Variants in ELP4 observed in about 807,000 individuals in gnomAD.
ELP4 encodes the protein elongator acetyltransferase complex subunit 4.
In ELP4, 51 loss-of-function variants were observed where a neutral mutation model predicts 48.9. That is an observed-to-expected ratio of 1.04 (90% CI 0.83 to 1.32). The LOEUF is 1.32. ELP4 is among the 40% of genes most tolerant of loss of function. The pLI is 0.00. For synonymous variants in ELP4, 210 were observed against 189.2 expected, an observed-to-expected ratio of 1.11 and a Z score of -0.90; for missense variants, 519 against 514.6, an observed-to-expected ratio of 1.01 and a Z score of -0.08.
chr11:31,764,671 T>G (rs537141254), intron 9 of ELP4, among the ~76,000 whole-genome samples: 1 of 152,330 alleles, frequency 6.6e-6, no homozygotes, highest in South Asian at 2.1e-4. Context: ...TGAAAAGATT[T>G]TATTCAGTGC....
chr11:31,639,753 C>T (rs192796717), intron 7 of ELP4, among the ~76,000 whole-genome samples: 3 of 151,714 alleles, frequency 2.0e-5, no homozygotes, highest in African/African-American at 7.3e-5. Context: ...AAGAGAAGTA[C>T]GATTCAGAAA....
chr11:31,688,333 A>G (rs1258683066), intron 9 of ELP4, among the ~76,000 whole-genome samples: 1 of 152,190 alleles, frequency 6.6e-6, no homozygotes, highest in Non-Finnish European at 1.5e-5. Flanking sequence ...TGGGAGATAC[A>G]TGCCTGCTTA....
At chr11:31,702,604 A>T (rs1278809843) in intron 9 of ELP4, among the ~76,000 whole-genome samples, 1 of 152,104 alleles carries the variant, frequency 6.6e-6, no homozygotes, top group Non-Finnish European at 1.5e-5. Flanking sequence ...TCTGATTCGT[A>T]GTTTTTCATC....
rs1215995014 is a variant in ELP4 at position 31,788,526 on chromosome 11, A to G, written c.*5002A>G. On this transcript the variant is annotated 3_prime_UTR_variant, in exon 10 of 10. Coordinates refer to ENST00000640961, the MANE Select transcript of ELP4 (RefSeq NM_019040.5). ...TCAGAAAGTCTCCTTTAAGAAATCT[A>G]CTTTTGAATATACTTCAGTGAAATC... 3 of 222,856 alleles carry G rather than the reference A, an allele frequency of 1.3e-5. No homozygotes were observed. The highest frequency in any genetic ancestry group is 4.5e-5 in the African/African-American group (2 of 44,770). 13.8% of individuals were successfully genotyped at this position (222,856 alleles called of 1,614,324 possible).
At chr11:31,516,542 C>T (rs888698466) in intron 1 of ELP4, among the ~76,000 whole-genome samples, 7 of 152,204 alleles carry the variant, frequency 4.6e-5, no homozygotes, top group African/African-American at 1.7e-4. Context: ...GTTACCCTGG[C>T]TGGAGTGCAG....
intron 9 of ELP4, among the ~76,000 whole-genome samples, chr11:31,690,704 CA>C (rs1171617168): frequency 6.7e-6 from 1 of 150,214 alleles, no homozygotes; most frequent in Non-Finnish European, 1.5e-5. Context: ...TGGCCAAAAA[CA>C]ATAAAATTCT....
chr11:31,546,776 A>C (rs1448927354), intron 3 of ELP4, among the ~76,000 whole-genome samples: 3 of 152,132 alleles, frequency 2.0e-5, no homozygotes, highest in African/African-American at 7.2e-5. Flanking sequence ...AGAAATTATA[A>C]CAAACTGTCT....
chr11:31,585,472 C>A (rs112328624), intron 3 of ELP4, among the ~76,000 whole-genome samples: 1 of 151,214 alleles, frequency 6.6e-6, no homozygotes, highest in Non-Finnish European at 1.5e-5. Context: ...TTTTGCCTAA[C>A]CTCTTATAAC....
intron 9 of ELP4, among the ~76,000 whole-genome samples, chr11:31,722,511 C>A (rs145044369): frequency 6.8e-4 from 104 of 152,262 alleles, no homozygotes; most frequent in East Asian, 2.7e-3. Context: ...TAAAACCCTT[C>A]TGTGGAAGAA....
chr11:31,655,892 G>T (rs1452937822), intron 9 of ELP4, among the ~76,000 whole-genome samples: 1 of 151,886 alleles, frequency 6.6e-6, no homozygotes, highest in African/African-American at 2.4e-5. Flanking sequence ...GGAAAAATGA[G>T]CATTTCTTAC....
At position 31,623,381 on chromosome 11, in the gene ELP4, ATATATAT is replaced by A. The variant is rs1565084242; in HGVS notation, c.654-3728_654-3722del. Among the ~76,000 whole-genome samples, 32 of 127,828 alleles carry A rather than the reference ATATATAT, an allele frequency of 2.5e-4. 1 individual carries two copies. Among genetic ancestry groups the A allele is most frequent in the Non-Finnish European group, 3.7e-4 (22 of 60,242 alleles). 83.9% of individuals were successfully genotyped at this position (127,828 alleles called of 152,430 possible). A position where few individuals can be genotyped will look rare whatever the true frequency, so the allele number is the denominator to read the frequency against. On this transcript the variant is annotated intron_variant, in intron 5 of 9. Transcript: ENST00000640961. The stretch of plus-strand genomic sequence containing the variant: ...TATATATATATATATATATATATAT[ATATATAT>A]ATAAAACTAGAAACATTGCTGGCAA...
At chr11:31,514,967 T>G (rs1028018360) in intron 1 of ELP4, among the ~76,000 whole-genome samples, 17 of 151,252 alleles carry the variant, frequency 1.1e-4, no homozygotes, top group African/African-American at 4.1e-4. Flanking sequence ...TAAACTCAAG[T>G]TTAGAAGAAT....
chr11:31,769,543 T>C (rs1948097491), intron 9 of ELP4, among the ~76,000 whole-genome samples: 2 of 152,226 alleles, frequency 1.3e-5, no homozygotes, highest in South Asian at 4.1e-4. Context: ...TTAGAATTTC[T>C]CTATTCCGTA....
At chr11:31,649,879 T>G in intron 8 of ELP4, 2 of 352,728 alleles carry the variant, frequency 5.7e-6, no homozygotes, top group Non-Finnish European at 1.0e-5. Flanking sequence ...ACATCTGTAC[T>G]TCTGTACCAA....
Position 31,785,333 on chromosome 11 carries a change from A to G in ELP4, c.*1809A>G, listed in dbSNP as rs912201879. 2 of 183,430 alleles carry G rather than the reference A, an allele frequency of 1.1e-5. No individual in the cohort carries two copies. Among genetic ancestry groups the G allele is most frequent in the Non-Finnish European group, 2.3e-5 (2 of 86,266 alleles). The allele number at this position is 183,430 out of a possible 1,614,324, so 11.4% of individuals were successfully genotyped here. On this transcript the variant is annotated 3_prime_UTR_variant, in exon 10 of 10. Coordinates refer to ENST00000640961, the MANE Select transcript of ELP4 (RefSeq NM_019040.5). ...ATACAACACACAATGGAACAATTAC[A>G]TAGCATTTGACTTGCTGAAAAAGAG...
intron 2 of ELP4, among the ~76,000 whole-genome samples, chr11:31,525,890 G>A (rs577498562): frequency 1.3e-5 from 2 of 152,078 alleles, no homozygotes; most frequent in South Asian, 4.2e-4. Flanking sequence ...TGTTCCAATG[G>A]TCTGGTCTTT....
intron 2 of ELP4, among the ~76,000 whole-genome samples, chr11:31,532,391 A>G (rs749599463): frequency 3.3e-5 from 5 of 152,238 alleles, no homozygotes; most frequent in Non-Finnish European, 5.9e-5. Flanking sequence ...AGATAAAGAA[A>G]AGATCACTAA....
intron 9 of ELP4, among the ~76,000 whole-genome samples, chr11:31,702,146 G>A (rs969796675): frequency 9.2e-5 from 14 of 151,900 alleles, no homozygotes. Flanking sequence ...GATTAAACAA[G>A]TAATTAGACT....
intron 3 of ELP4, among the ~76,000 whole-genome samples, chr11:31,552,827 A>G (rs1956874148): frequency 6.6e-6 from 1 of 152,136 alleles, no homozygotes; most frequent in Non-Finnish European, 1.5e-5. Flanking sequence ...CCTAGCTAAT[A>G]TTCTGTTACC....
Sources: gnomAD v4.1 joint callset for allele counts (sites outside exome capture counted in the v4.1 genomes callset) on GRCh38, gnomAD v4.1.1 for gene constraint, MANE v1.5 for transcripts, NCBI Gene and HGNC (gene_info 2026-07-23, HGNC 2026-07-21) for gene names.